The following BMP1 variants were observed in gnomAD, a reference collection of about 807,000 sequenced individuals.
The protein encoded by BMP1 is mammalian tolloid protein.
Under a neutral mutation model 116.8 loss-of-function variants are expected in BMP1, and 63 were observed. The ratio of observed to expected loss-of-function variants is 0.54; its 90% CI spans 0.44 to 0.67. The LOEUF (loss-of-function observed/expected upper bound fraction) is 0.67, where lower values mean the gene tolerates loss of function less well. Ranked by LOEUF, BMP1 falls within the 30% of genes least tolerant of loss-of-function variation. The pLI is 0.00. For missense variants in BMP1, 1,183 were observed against 1,358.9 expected, an observed-to-expected ratio of 0.87 and a Z score of 2.04; for synonymous variants, 536 against 533.4, an observed-to-expected ratio of 1.00 and a Z score of -0.07.
At chr8:22,201,530 A>G in intron 15 of BMP1, 2 of 1,410,138 alleles carry the variant, frequency 1.4e-6, no homozygotes, top group Non-Finnish European at 1.8e-6. Context: ...TCTGTCCAGT[A>G]AGCAGGTAAT....
At chr8:22,210,450 T>TCTCTTTCC (rs1354793940) in intron 19 of BMP1, among the ~76,000 whole-genome samples, 3 of 100,926 alleles carry the variant, frequency 3.0e-5, no homozygotes. Context: ...TCTTTCCCTC[T>TCTCTTTCC]CTCTCTCTCT....
chr8:22,207,404 C>T lies in BMP1; in HGVS notation c.2463C>T (p.Phe821=), dbSNP rs1447966956. ...CCAAGGCCCCCGTCCTCGGCCGCTT[C>T]TGTGGGAGCAAGAAGCCCGAGCCCG... ...RDAKAPVLGR[F]CGSKKPEPVL... is the part of the protein sequence containing the mutation. Residue 821 remains phenylalanine (F), a synonymous_variant, in exon 18 of 20, where the codon TTC becomes TTT. Coordinates refer to ENST00000306385, the MANE Select transcript of BMP1 (RefSeq NM_006129.5). 2 of 1,614,210 alleles carry T rather than the reference C, an allele frequency of 1.2e-6. No homozygotes were observed. The highest frequency in any genetic ancestry group is 2.2e-5 in the East Asian group (1 of 44,886).
chr8:22,205,864 A>G (rs1829343624), intron 16 of BMP1, among the ~76,000 whole-genome samples: 1 of 152,234 alleles, frequency 6.6e-6, no homozygotes, highest in Admixed American at 6.5e-5. Context: ...AGGTGGCCAC[A>G]GAGGGGTGAT....
intron 2 of BMP1, among the ~76,000 whole-genome samples, chr8:22,174,428 G>A (rs927924406): frequency 2.6e-5 from 4 of 152,018 alleles, no homozygotes; most frequent in Non-Finnish European, 5.9e-5. Context: ...AAACCCATGT[G>A]GTACTTGTGC....
chr8:22,182,577 C>T (rs1828654059), intron 8 of BMP1, among the ~76,000 whole-genome samples: 1 of 152,218 alleles, frequency 6.6e-6, no homozygotes, highest in Non-Finnish European at 1.5e-5. Flanking sequence ...ATTAAATCTA[C>T]TGTTCCACCC....
At chr8:22,195,024 G>C in intron 12 of BMP1, 105 bp downstream of exon 12, 1 of 1,263,174 alleles carries the variant, frequency 7.9e-7, no homozygotes, top group Middle Eastern at 2.8e-4. Context: ...ATTGATACCA[G>C]TGAGACCCCA....
Position 22,176,655 on chromosome 8 carries a change from G to T in BMP1, c.551+5G>T. The T allele has an allele frequency of 6.2e-7, 1 of 1,613,862 alleles. No individual in the cohort carries two copies. On this transcript the variant is annotated splice_donor_5th_base_variant and intron_variant, in intron 4 of 19. Coordinates refer to ENST00000306385, the MANE Select transcript of BMP1 (RefSeq NM_006129.5). ...GTTCACCTATCGACCTTGCGGGTGA[G>T]CAGGAAGCCCTAGGCGCTGTACCTT...
chr8:22,194,407 C>G lies in BMP1; in HGVS notation c.1298-38C>G, dbSNP rs776230596. 1 of 1,611,384 alleles carries G rather than the reference C, an allele frequency of 6.2e-7. No homozygotes were observed. Among genetic ancestry groups the G allele is most frequent in the Non-Finnish European group, 8.5e-7 (1 of 1,178,528 alleles). ...TCCCTAGCAGGGCAAAGCATGCTGA[C>G]TCACCACCCCTTCCCACCCCATCCT... On this transcript the variant is annotated intron_variant, in intron 10 of 19. Coordinates refer to ENST00000306385, the MANE Select transcript of BMP1 (RefSeq NM_006129.5). This position sits in a 1 kb window ranked among gnomAD's most constrained non-coding sequence, Gnocchi z 4.5.
chr8:22,207,963 A>G (rs1230592251), intron 18 of BMP1, among the ~76,000 whole-genome samples: 1 of 151,986 alleles, frequency 6.6e-6, no homozygotes, highest in African/African-American at 2.4e-5. Context: ...GGTTCACTGC[A>G]ACCTCCACTT....
intron 16 of BMP1, among the ~76,000 whole-genome samples, chr8:22,203,547 A>G (rs1426113747): frequency 6.6e-6 from 1 of 152,078 alleles, no homozygotes; most frequent in African/African-American, 2.4e-5. Flanking sequence ...ACAGAGCAAG[A>G]CTCCGTTTCA....
At chr8:22,190,195 G>C (rs1425458086) in intron 8 of BMP1, among the ~76,000 whole-genome samples, 2 of 152,230 alleles carry the variant, frequency 1.3e-5, no homozygotes, top group East Asian at 3.8e-4. Flanking sequence ...AATGTGTTGG[G>C]ATTACAGGAG....
intron 8 of BMP1, among the ~76,000 whole-genome samples, chr8:22,189,682 G>A (rs1828875920): frequency 6.6e-6 from 1 of 151,752 alleles, no homozygotes; most frequent in African/African-American, 2.4e-5. Context: ...GCCCAGGCTG[G>A]TCTCAAACTC....
chr8:22,198,722 G>A, intron 15 of BMP1: 1 of 184,448 alleles, frequency 5.4e-6, no homozygotes, highest in Non-Finnish European at 1.1e-5. Flanking sequence ...CTCTGTGGCT[G>A]CCCTGCACCC....
chr8:22,209,728 A>T (rs1426750925), intron 19 of BMP1, 33 bp downstream of exon 19: 1 of 1,460,414 alleles, frequency 6.8e-7, no homozygotes, highest in East Asian at 2.7e-5. Context: ...TCCTGGCCCC[A>T]TGCCCCACGC....
chr8:22,182,626 C>T (rs769840427), intron 8 of BMP1, among the ~76,000 whole-genome samples: 8 of 152,194 alleles, frequency 5.3e-5, no homozygotes, highest in African/African-American at 9.6e-5. Context: ...CAAATGTGTT[C>T]GACCTGCCTT....
At position 22,192,118 on chromosome 8, in the gene BMP1, C is replaced by A. The variant is rs754727375; in HGVS notation, c.1147C>A (p.Arg383=). ...GTGCTGGTACGACTATGTGGAGGTC[C>A]GAGATGGCTTCTGGAGGAAGGCGCC... is the stretch of plus-strand genomic sequence containing the variant. The part of the protein sequence containing the change: ...RLCWYDYVEV[R]DGFWRKAPLR... Residue 383 remains arginine (R), a synonymous_variant, in exon 9 of 20, where the codon CGA becomes AGA. Transcript: ENST00000306385. The A allele has an allele frequency of 1.9e-6, 3 of 1,613,810 alleles. No individual in the cohort carries two copies. In the South Asian group the frequency reaches 3.3e-5, roughly 18 times the overall value.
At chr8:22,172,377 C>A (rs150190460) in intron 1 of BMP1, among the ~76,000 whole-genome samples, 1 of 151,968 alleles carries the variant, frequency 6.6e-6, no homozygotes, top group Non-Finnish European at 1.5e-5. Flanking sequence ...ACAGTTCAGC[C>A]GGGTCTCTGG....
chr8:22,210,464 T>TCACACACACACA (rs1261150197), intron 19 of BMP1, among the ~76,000 whole-genome samples: 3 of 90,562 alleles, frequency 3.3e-5, no homozygotes, highest in African/African-American at 2.6e-4. Flanking sequence ...TCTCTCTCTC[T>TCACACACACACA]CTCTCACACA....
At chr8:22,193,183 G>A (rs771169352) in intron 9 of BMP1, among the ~76,000 whole-genome samples, 2 of 152,168 alleles carry the variant, frequency 1.3e-5, no homozygotes, top group African/African-American at 2.4e-5. Context: ...ACAGATGGCC[G>A]ACCTCATTCA....
Sources: allele counts gnomAD v4.1 joint callset (sites outside exome capture counted in the v4.1 genomes callset), GRCh38; gene constraint gnomAD v4.1.1; non-coding constraint Gnocchi (gnomAD v3.1); transcripts MANE v1.5; gene names NCBI Gene and HGNC (gene_info 2026-07-23, HGNC 2026-07-21).